The following SNAP91 variants were observed in gnomAD, a reference collection of about 807,000 sequenced individuals.
SNAP91 encodes synaptosome associated protein 91.
Under a neutral mutation model 100.3 loss-of-function variants are expected in SNAP91, and 27 were observed. The ratio of observed to expected loss-of-function variants is 0.27; its 90% confidence interval spans 0.20 to 0.37. SNAP91 has a LOEUF of 0.37. Among genes scored for constraint, SNAP91 ranks in the 10% least tolerant of loss-of-function variants. The pLI is 1.00. For synonymous variants in SNAP91, 404 were observed against 398.6 expected, an observed-to-expected ratio of 1.01 and a Z score of -0.16; for missense variants, 986 against 1,123.7, an observed-to-expected ratio of 0.88 and a Z score of 1.75.
At chr6:83,679,032 A>T (rs2098950388) in intron 2 of SNAP91, 2 of 328,490 alleles carry the variant, frequency 6.1e-6, no homozygotes, top group East Asian at 1.2e-4. Context: ...AAATATTTGA[A>T]AAGAAAACCA....
chr6:83,642,134 T>C (rs1193675012), intron 7 of SNAP91, among the ~76,000 whole-genome samples: 1 of 150,260 alleles, frequency 6.7e-6, no homozygotes, highest in Non-Finnish European at 1.5e-5. Context: ...AGTTCATTAT[T>C]TTATATTTGC....
At chr6:83,674,412 C>T (rs574981823) in intron 2 of SNAP91, among the ~76,000 whole-genome samples, 38 of 151,752 alleles carry the variant, frequency 2.5e-4, no homozygotes, top group East Asian at 5.8e-4. Context: ...CCAGCCCGGG[C>T]GACAGAGCAA....
chr6:83,601,988 C>G (rs1053985561), intron 14 of SNAP91, among the ~76,000 whole-genome samples: 2 of 151,998 alleles, frequency 1.3e-5, no homozygotes, highest in African/African-American at 4.8e-5. Flanking sequence ...TGGCAGTAAT[C>G]CCATGTTTCT....
In SNAP91 at chr6:83,567,591, G is replaced by A. The variant is rs1055819649; in HGVS notation, c.2443-6644C>T. On this transcript the variant is annotated intron_variant, in intron 26 of 29. Coordinates refer to ENST00000369694, the MANE Select transcript of SNAP91 (RefSeq NM_001242792.2). Reference sequence around the variant, plus strand: ...CTACAGAATGGGAGAAAATTTTTGCGATCTACTCATCTGACAAAGGGCTAA... The same window carrying A: ...CTACAGAATGGGAGAAAATTTTTGCAATCTACTCATCTGACAAAGGGCTAA... Among the ~76,000 whole-genome samples, 10 of 151,954 alleles carry A rather than the reference G, an allele frequency of 6.6e-5. 1 individual carries two copies. Among genetic ancestry groups the A allele is most frequent in the Middle Eastern group, 6.8e-3 (2 of 294 alleles).
At position 83,682,739 on chromosome 6, in the gene SNAP91, G is replaced by T. The variant is rs217292; in HGVS notation, c.131-17158C>A. On this transcript the variant is annotated intron_variant, in intron 2 of 29. Transcript: ENST00000369694. ...CTAATGGTATCCCTCCGCCCTCCCC[G>T]CACCCCACAACAGTCCCCAGAGTGT... Among the ~76,000 whole-genome samples, 7 of 132,294 alleles carry T rather than the reference G, an allele frequency of 5.3e-5. No individual in the cohort carries two copies. In the East Asian group the frequency reaches 1.4e-3, roughly 26 times the overall value. 86.8% of individuals were successfully genotyped at this position (132,294 alleles called of 152,430 possible).
At chr6:83,658,621 TA>T (rs1161526308) in intron 6 of SNAP91, among the ~76,000 whole-genome samples, 4 of 151,578 alleles carry the variant, frequency 2.6e-5, no homozygotes, top group African/African-American at 9.7e-5. Flanking sequence ...AATAAATAAA[TA>T]AAACAAAATA....
chr6:83,569,110 T>C (rs1487294539), intron 26 of SNAP91, among the ~76,000 whole-genome samples: 1 of 152,136 alleles, frequency 6.6e-6, no homozygotes, highest in African/African-American at 2.4e-5. Context: ...AGAATATAGA[T>C]AAAACTAAGA....
At chr6:83,607,883 G>T in intron 12 of SNAP91, 75 bp from the exon 13 acceptor site, 1 of 756,612 alleles carries the variant, frequency 1.3e-6, no homozygotes. Flanking sequence ...ACTTTTCTTT[G>T]TATAACCATG....
chr6:83,594,672 CATGCAAGTGATACAATGTTGA>C (rs2094251731), intron 16 of SNAP91, 191 bp from the exon 17 acceptor site: 2 of 503,316 alleles, frequency 4.0e-6, no homozygotes, highest in Admixed American at 3.8e-5. Context: ...TGTTAGTTAA[CATGCAAGTGATACAATGTTGA>C]TACTGCTGAG....
At position 83,627,764 on chromosome 6, in the gene SNAP91, T is replaced by C. The variant is rs546235589; in HGVS notation, c.766-4422A>G. Among the ~76,000 whole-genome samples the C allele has an allele frequency of 3.2e-4, 48 of 152,182 alleles. No homozygotes were observed. The South Asian group carries it at 4.1e-3, about 13-fold the overall frequency. ...TTTTCATTGTTAATCTAGCTAGTGG[T>C]CGATCAATCTTGTTTATCCTTTCGA... On this transcript the variant is annotated intron_variant, in intron 8 of 29. Transcript: ENST00000369694.
rs1001456418 is a variant in SNAP91, at chr6:83,558,043, C to A, written c.2632-1798G>T. The stretch of plus-strand genomic sequence containing the variant: ...CAATTACTGATTGAAACAATGTATT[C>A]CCATCATACTATCTATTTTTCATTT... On this transcript the variant is annotated intron_variant, in intron 28 of 29. Coordinates refer to ENST00000369694, the MANE Select transcript of SNAP91 (RefSeq NM_001242792.2). 2.3e-4 allele frequency among the ~76,000 whole-genome samples: 35 copies of A among 151,898 alleles called. 1 individual carries two copies. The highest frequency in any genetic ancestry group is 1.5e-3 in the South Asian group (7 of 4,792).
chr6:83,683,458 T>C (rs2099019556), intron 2 of SNAP91, among the ~76,000 whole-genome samples: 1 of 152,144 alleles, frequency 6.6e-6, no homozygotes. Context: ...ATGGGAGATC[T>C]GATTGTTAAA....
chr6:83,646,671 T>G lies in SNAP91; in HGVS notation c.659-5469A>C, dbSNP rs6917257. ...ACTTTGTTCTTCTTCAACAATATTG[T>G]GTTGGCTATTCTGGGTCTTTTACCT... On this transcript the variant is annotated intron_variant, in intron 7 of 29. Transcript: ENST00000369694. Among the ~76,000 whole-genome samples, 463 of 152,278 alleles carry G rather than the reference T, an allele frequency of 3.0e-3. 2 individuals carry two copies. The highest frequency in any genetic ancestry group is 0.01 in the African/African-American group (435 of 41,570).
chr6:83,639,540 AATG>A lies in SNAP91; in HGVS notation c.765+1553_765+1555del, dbSNP rs532608974. Among the ~76,000 whole-genome samples the A allele has an allele frequency of 1.5e-4, 23 of 152,330 alleles. No homozygotes were observed. The South Asian group carries it at 4.8e-3, about 32-fold the overall frequency. On this transcript the variant is annotated intron_variant, in intron 8 of 29. Transcript: ENST00000369694. Reference sequence around the variant, plus strand: ...CAGTTATTTAAAGACAGACTCTTACAATGATATCTGATTTTTGCAGATCTCTTT... The same window carrying A: ...CAGTTATTTAAAGACAGACTCTTACAATATCTGATTTTTGCAGATCTCTTT...
chr6:83,695,618 C>A lies in SNAP91; in HGVS notation c.130+12180G>T, dbSNP rs142012464. ...TATTCAAGGGTTTTGATTAATATTGCCAACCCACCCTCCCAAATATTTATA... is the reference window on the plus strand; with the variant it reads ...TATTCAAGGGTTTTGATTAATATTGACAACCCACCCTCCCAAATATTTATA... On this transcript the variant is annotated intron_variant, in intron 2 of 29. Transcript: ENST00000369694. Among the ~76,000 whole-genome samples the A allele has an allele frequency of 3.3e-5, 5 of 152,218 alleles. No individual in the cohort carries two copies. In the East Asian group the frequency reaches 9.7e-4, roughly 30 times the overall value.
intron 16 of SNAP91, among the ~76,000 whole-genome samples, chr6:83,600,445 T>C (rs1317632664): frequency 6.6e-6 from 1 of 152,220 alleles, no homozygotes; most frequent in African/African-American, 2.4e-5. Context: ...GTAATGAAGA[T>C]ACACAAAACT....
intron 26 of SNAP91, 54 bp downstream of exon 26, chr6:83,574,956 C>G (rs1656201353): frequency 1.7e-6 from 2 of 1,198,520 alleles, no homozygotes; most frequent in Non-Finnish European, 2.4e-6. Flanking sequence ...CTACTTTACA[C>G]ACTTGGAAAC....
intron 2 of SNAP91, among the ~76,000 whole-genome samples, chr6:83,692,225 G>A (rs533975096): frequency 6.6e-6 from 1 of 152,262 alleles, no homozygotes; most frequent in Non-Finnish European, 1.5e-5. Flanking sequence ...TGTTGTTGCT[G>A]TTACTGCCAT....
intron 2 of SNAP91, among the ~76,000 whole-genome samples, chr6:83,703,174 T>A (rs1318658611): frequency 4.0e-5 from 6 of 151,132 alleles, no homozygotes; most frequent in East Asian, 1.9e-4. Context: ...TTTTTTTTTT[T>A]AAACTAATAG....
Sources: gnomAD v4.1 joint callset for allele counts (sites outside exome capture counted in the v4.1 genomes callset) on GRCh38, gnomAD v4.1.1 for gene constraint, MANE v1.5 for transcripts, NCBI Gene and HGNC (gene_info 2026-07-23, HGNC 2026-07-21) for gene names.